ROBO1: variants seen among roughly 807,000 people sequenced by gnomAD.
The protein encoded by ROBO1 is roundabout homolog 1.
A neutral mutation model predicts 195.9 loss-of-function variants in ROBO1; 149 were observed. The ratio of observed to expected loss-of-function variants is 0.76; its 90% CI spans 0.67 to 0.87. ROBO1 has a LOEUF of 0.87. Among genes scored for constraint, ROBO1 ranks in the 40% least tolerant of loss-of-function variants. The probability of loss-of-function intolerance (pLI) is 0.00; values close to 1 mark genes in which losing one functional copy is unlikely to be tolerated. For missense variants in ROBO1, 1,933 were observed against 2,068.3 expected, an observed-to-expected ratio of 0.93 and a Z score of 1.27; for synonymous variants, 816 against 733.2, an observed-to-expected ratio of 1.11 and a Z score of -1.82.
intron 2 of ROBO1, among the ~76,000 whole-genome samples, chr3:79,444,825 A>C (rs191407392): frequency 2.0e-5 from 3 of 152,274 alleles, no homozygotes; most frequent in Non-Finnish European, 4.4e-5. Context: ...TATCACTAAT[A>C]ATGTTGAAAG....
chr3:78,675,912 T>G (rs912895788), intron 10 of ROBO1, among the ~76,000 whole-genome samples: 6 of 151,932 alleles, frequency 3.9e-5, no homozygotes, highest in Admixed American at 3.9e-4. Flanking sequence ...GCAGCCTAAC[T>G]GGGAGGCACC....
intron 4 of ROBO1, among the ~76,000 whole-genome samples, chr3:78,891,118 G>A (rs567810695): frequency 2.0e-5 from 3 of 152,158 alleles, no homozygotes; most frequent in Non-Finnish European, 4.4e-5. Flanking sequence ...TAAAGAATGA[G>A]TCAAAGAGAT....
intron 2 of ROBO1, among the ~76,000 whole-genome samples, chr3:79,550,190 A>AGAAAGAAAGAAAGAAAGAAAGGAAAG (rs1559984349): frequency 9.8e-6 from 1 of 101,656 alleles, no homozygotes; most frequent in Non-Finnish European, 2.0e-5. Context: ...AAAGAAAGAA[A>AGAAAGAAAGAAAGAAAGAAAGGAAAG]GAAAGGAAAA....
chr3:78,654,998 C>T (rs960098887), intron 18 of ROBO1, among the ~76,000 whole-genome samples: 3 of 152,154 alleles, frequency 2.0e-5, no homozygotes, highest in Admixed American at 6.6e-5. Context: ...TCCTCCACAT[C>T]TCATATAAAC....
At chr3:79,693,890 A>C (rs1170406837) in intron 1 of ROBO1, among the ~76,000 whole-genome samples, 1 of 151,818 alleles carries the variant, frequency 6.6e-6, no homozygotes, top group East Asian at 1.9e-4. Flanking sequence ...AATTTATTTA[A>C]ATAAATATCA....
At chr3:78,803,625 A>G (rs1189661268) in intron 4 of ROBO1, among the ~76,000 whole-genome samples, 3 of 152,118 alleles carry the variant, frequency 2.0e-5, no homozygotes, top group Non-Finnish European at 4.4e-5. Flanking sequence ...TTTCTGAGAC[A>G]GTTCCATGAA....
At chr3:78,788,708 G>T (rs997996853) in intron 4 of ROBO1, among the ~76,000 whole-genome samples, 2 of 151,870 alleles carry the variant, frequency 1.3e-5, no homozygotes, top group Admixed American at 6.6e-5. Flanking sequence ...AAAAGCATTT[G>T]AAATCCCTAG....
At chr3:78,859,669 T>C (rs1297299183) in intron 4 of ROBO1, among the ~76,000 whole-genome samples, 1 of 151,978 alleles carries the variant, frequency 6.6e-6, no homozygotes, top group African/African-American at 2.4e-5. Flanking sequence ...ATAAAAACAA[T>C]AAACAAGCTA....
intron 2 of ROBO1, among the ~76,000 whole-genome samples, chr3:79,235,064 G>T (rs2082384106): frequency 6.6e-6 from 1 of 151,990 alleles, no homozygotes; most frequent in African/African-American, 2.4e-5. Flanking sequence ...ACCCATTTTT[G>T]AAACTCAGGT....
At chr3:79,721,224 T>A (rs1702686940) in intron 1 of ROBO1, among the ~76,000 whole-genome samples, 1 of 152,224 alleles carries the variant, frequency 6.6e-6, no homozygotes, top group South Asian at 2.1e-4. Context: ...CTGTGCCAAA[T>A]CATTGCTGTG....
intron 4 of ROBO1, among the ~76,000 whole-genome samples, chr3:78,788,384 C>T (rs950233384): frequency 2.2e-4 from 29 of 133,674 alleles, no homozygotes; most frequent in Non-Finnish European, 3.8e-4. Context: ...TCCCAAAGTG[C>T]TGGGATTACA....
intron 2 of ROBO1, among the ~76,000 whole-genome samples, chr3:79,505,510 T>C (rs1454222159): frequency 6.6e-6 from 1 of 152,110 alleles, no homozygotes; most frequent in African/African-American, 2.4e-5. Context: ...TTTTTCCTGA[T>C]TTAAGGACCA....
intron 1 of ROBO1, among the ~76,000 whole-genome samples, chr3:79,601,662 T>C (rs1944343777): frequency 1.3e-5 from 2 of 151,984 alleles, no homozygotes; most frequent in African/African-American, 4.8e-5. Flanking sequence ...AAAGTCTATG[T>C]GTTTCTGAAG....
Position 78,661,066 on chromosome 3 carries a change from C to T in ROBO1, c.2284G>A (p.Asp762Asn). The change falls in exon 16 of 31, where the codon GAT (aspartate) becomes AAT (asparagine). Residue 762 changes from aspartate (D) to asparagine (N), a missense_variant. Physicochemically the swap from Asp to Asn is conservative, Grantham distance 23 (BLOSUM62 1). Transcript: ENST00000464233. Reference sequence around the variant, plus strand: ...GTTTTGGCAAACTTGATTTCACTATCTGCTCCTTGAAATTCATTAAAAAAA... The same window carrying T: ...GTTTTGGCAAACTTGATTTCACTATTTGCTCCTTGAAATTCATTAAAAAAA... ...RPFFNEFQGA[D>N]SEIKFAKTLE... 1 of 1,613,338 alleles carries T rather than the reference C, an allele frequency of 6.2e-7. No individual in the cohort carries two copies. Among genetic ancestry groups the T allele is most frequent in the Non-Finnish European group, 8.5e-7 (1 of 1,179,582 alleles).
chr3:79,673,904 T>C (rs1946706542), intron 1 of ROBO1, among the ~76,000 whole-genome samples: 1 of 151,930 alleles, frequency 6.6e-6, no homozygotes, highest in Admixed American at 6.6e-5. Flanking sequence ...GAAAGACACA[T>C]ACAAAACTCT....
chr3:79,046,212 C>G (rs1054052220), intron 3 of ROBO1, among the ~76,000 whole-genome samples: 1 of 152,102 alleles, frequency 6.6e-6, no homozygotes, highest in Non-Finnish European at 1.5e-5. Flanking sequence ...TTGGGAGCTG[C>G]TCTATGGGGA....
chr3:79,590,007 G>T (rs1305519363), intron 1 of ROBO1, 46 bp from the exon 2 acceptor site: 2 of 781,148 alleles, frequency 2.6e-6, no homozygotes, highest in Non-Finnish European at 2.1e-6. Context: ...TAGCTATGCT[G>T]AGAAACAATT....
intron 2 of ROBO1, among the ~76,000 whole-genome samples, chr3:79,395,911 A>G (rs2106746275): frequency 6.6e-6 from 1 of 152,194 alleles, no homozygotes; most frequent in Non-Finnish European, 1.5e-5. Flanking sequence ...AAGTCTACAC[A>G]TGACTTTGCA....
chr3:79,171,901 A>G (rs1264015011), intron 2 of ROBO1, among the ~76,000 whole-genome samples: 1 of 152,112 alleles, frequency 6.6e-6, no homozygotes, highest in Admixed American at 6.5e-5. Flanking sequence ...GTATTATACT[A>G]AACACACACA....
Sources: allele counts gnomAD v4.1 joint callset (sites outside exome capture counted in the v4.1 genomes callset), GRCh38; gene constraint gnomAD v4.1.1; transcripts MANE v1.5; gene names NCBI Gene and HGNC (gene_info 2026-07-23, HGNC 2026-07-21).